Variants in PRKG1 observed in about 807,000 individuals in gnomAD.
The protein encoded by PRKG1 is cGMP-dependent protein kinase 1.
A neutral mutation model predicts 88.1 loss-of-function variants in PRKG1; 35 were observed. The ratio of observed to expected loss-of-function variants is 0.40; its 90% CI spans 0.30 to 0.53. PRKG1 has a LOEUF of 0.53. PRKG1 is among the 20% of genes least tolerant of loss of function. The pLI, the probability that PRKG1 is intolerant of heterozygous loss-of-function variation, is 0.59. For missense variants in PRKG1, 540 were observed against 839.8 expected (o/e 0.64, Z 4.41); for synonymous variants, 303 against 292.5 (o/e 1.04, Z -0.37).
chr10:51,849,222 G>A (rs1438558798), intron 4 of PRKG1, among the ~76,000 whole-genome samples: 1 of 151,958 alleles, frequency 6.6e-6, no homozygotes, highest in East Asian at 1.9e-4. Context: ...TAGTACATAG[G>A]GAAAAGAACA....
At chr10:52,132,900 T>C (rs1837304795) in intron 7 of PRKG1, among the ~76,000 whole-genome samples, 1 of 152,120 alleles carries the variant, frequency 6.6e-6, no homozygotes, top group Non-Finnish European at 1.5e-5. Context: ...ATAAGCACAC[T>C]GTGGAGAACG....
rs1293121714 is a variant in PRKG1 at position 51,575,475 on chromosome 10, A to T, written c.592+107639A>T. Among the ~76,000 whole-genome samples, 26 of 151,922 alleles carry T rather than the reference A, an allele frequency of 1.7e-4. 1 individual carries two copies. Among genetic ancestry groups the T allele is most frequent in the Admixed American group, 1.7e-3 (26 of 15,212 alleles). On this transcript the variant is annotated intron_variant, in intron 3 of 17. Coordinates refer to ENST00000373980, the MANE Select transcript of PRKG1 (RefSeq NM_006258.4). ...TCTTGGATTGAGATATTCTTTCCAG[A>T]ATGTCACAGAAAAAGTTTTATATTT...
intron 10 of PRKG1, among the ~76,000 whole-genome samples, chr10:52,263,263 T>C (rs74135383): frequency 0.012 from 1,799 of 152,210 alleles, 30 homozygotes; most frequent in African/African-American, 0.04. Flanking sequence ...GTAAGTGAGA[T>C]AGTAAGCACA....
At chr10:51,107,939 G>A (rs916795133) in intron 1 of PRKG1, among the ~76,000 whole-genome samples, 1 of 151,666 alleles carries the variant, frequency 6.6e-6, no homozygotes, top group Non-Finnish European at 1.5e-5. Context: ...CAGATATTAT[G>A]AGGATAATAA....
intron 4 of PRKG1, among the ~76,000 whole-genome samples, chr10:51,880,902 G>A (rs942076125): frequency 6.6e-6 from 1 of 152,104 alleles, no homozygotes; most frequent in African/African-American, 2.4e-5. Flanking sequence ...AAATTTTTAG[G>A]TTAGAAGGAA....
At chr10:51,685,175 C>T (rs1368650197) in intron 3 of PRKG1, among the ~76,000 whole-genome samples, 1 of 152,124 alleles carries the variant, frequency 6.6e-6, no homozygotes, top group African/African-American at 2.4e-5. Flanking sequence ...GACCTTATTA[C>T]TTGTCTCTTT....
At chr10:52,132,433 T>C (rs1210737259) in intron 7 of PRKG1, among the ~76,000 whole-genome samples, 2 of 152,244 alleles carry the variant, frequency 1.3e-5, no homozygotes, top group South Asian at 2.1e-4. Flanking sequence ...AAATATTAAA[T>C]ACAAATAGTT....
intron 2 of PRKG1, among the ~76,000 whole-genome samples, chr10:51,272,841 A>T (rs544734974): frequency 6.6e-6 from 1 of 152,258 alleles, no homozygotes; most frequent in Non-Finnish European, 1.5e-5. Flanking sequence ...CATAAATAGG[A>T]TCCATCTGAG....
intron 9 of PRKG1, among the ~76,000 whole-genome samples, chr10:52,249,521 A>C (rs1841118330): frequency 6.6e-6 from 1 of 152,142 alleles, no homozygotes; most frequent in African/African-American, 2.4e-5. Context: ...AAAGGCTAGA[A>C]TCCCTCCACT....
intron 3 of PRKG1, among the ~76,000 whole-genome samples, chr10:51,557,350 C>A (rs1034725987): frequency 1.3e-5 from 2 of 151,854 alleles, no homozygotes; most frequent in African/African-American, 2.4e-5. Context: ...CCACCACCCC[C>A]CCACCACCCA....
chr10:51,079,721 A>T (rs547296675), intron 1 of PRKG1, among the ~76,000 whole-genome samples: 5 of 151,944 alleles, frequency 3.3e-5, no homozygotes, highest in South Asian at 2.1e-4. Flanking sequence ...CCAAGGACTA[A>T]TAGTTACCCA....
chr10:52,197,748 T>C, intron 9 of PRKG1, among the ~76,000 whole-genome samples: 1 of 152,218 alleles, frequency 6.6e-6, no homozygotes, highest in East Asian at 1.9e-4. Context: ...TTAGTTATTC[T>C]AGAGATGTGG....
At chr10:52,224,488 T>C (rs1360101864) in intron 9 of PRKG1, among the ~76,000 whole-genome samples, 1 of 151,490 alleles carries the variant, frequency 6.6e-6, no homozygotes, top group Non-Finnish European at 1.5e-5. Flanking sequence ...GTTCAGGTGG[T>C]ATTTGGTTAC....
chr10:52,156,109 G>T (rs1220011137), intron 8 of PRKG1, among the ~76,000 whole-genome samples: 1 of 151,732 alleles, frequency 6.6e-6, no homozygotes, highest in Non-Finnish European at 1.5e-5. Context: ...ATAGACAGGG[G>T]GATATTATTA....
At chr10:51,190,149 TTTTG>T (rs2132038922) in intron 2 of PRKG1, among the ~76,000 whole-genome samples, 1 of 152,112 alleles carries the variant, frequency 6.6e-6, no homozygotes, top group East Asian at 1.9e-4. Context: ...GTAGTTCATC[TTTTG>T]TTTTTTATAT....
At position 51,859,197 on chromosome 10, in the gene PRKG1, G is replaced by A. The variant is rs186538334; in HGVS notation, c.699-48310G>A. Among the ~76,000 whole-genome samples the A allele has an allele frequency of 3.4e-4, 51 of 152,226 alleles. 1 individual carries two copies. The South Asian group carries it at 3.7e-3, about 11-fold the overall frequency. On this transcript the variant is annotated intron_variant, in intron 4 of 17. Coordinates refer to ENST00000373980, the MANE Select transcript of PRKG1 (RefSeq NM_006258.4). ...CAAATGTGTATTTACACAGATGTTC[G>A]GAAGCCCTGAAGTGGGCTCCCTTCA...
At chr10:51,648,611 C>T (rs754198871) in intron 3 of PRKG1, among the ~76,000 whole-genome samples, 1 of 152,050 alleles carries the variant, frequency 6.6e-6, no homozygotes, top group Non-Finnish European at 1.5e-5. Context: ...CCTGCTGGAC[C>T]TAGAGTGGCT....
intron 9 of PRKG1, among the ~76,000 whole-genome samples, chr10:52,213,933 A>G (rs2132809393): frequency 6.6e-6 from 1 of 152,342 alleles, no homozygotes; most frequent in South Asian, 2.1e-4. Context: ...TAAAAGGAAA[A>G]CCAAACATAC....
chr10:51,254,816 T>A (rs1474995816), intron 2 of PRKG1, among the ~76,000 whole-genome samples: 1 of 152,040 alleles, frequency 6.6e-6, no homozygotes, highest in Admixed American at 6.6e-5. Flanking sequence ...TTGTGTTACC[T>A]GAGGGACAGG....
Sources: allele counts gnomAD v4.1 joint callset (sites outside exome capture counted in the v4.1 genomes callset), GRCh38; gene constraint gnomAD v4.1.1; transcripts MANE v1.5; gene names NCBI Gene and HGNC (gene_info 2026-07-23, HGNC 2026-07-21).